Variants in KCNIP4 observed in about 807,000 individuals in gnomAD.
The protein encoded by KCNIP4 is Kv channel-interacting protein 4.
A neutral mutation model predicts 34.0 loss-of-function variants in KCNIP4; 12 were observed. That is an observed-to-expected ratio of 0.35 (90% CI 0.23 to 0.57). The LOEUF is 0.57. Ranked by LOEUF, KCNIP4 falls within the 20% of genes least tolerant of loss-of-function variation. The probability of loss-of-function intolerance (pLI) is 0.83; values close to 1 mark genes in which losing one functional copy is unlikely to be tolerated. For missense variants in KCNIP4, 238 were observed against 311.7 expected (o/e 0.76, Z 1.78); for synonymous variants, 124 against 102.2 (o/e 1.21, Z -1.29).
At chr4:21,158,802 A>G (rs563327620) in intron 1 of KCNIP4, among the ~76,000 whole-genome samples, 136 of 152,280 alleles carry the variant, frequency 8.9e-4, no homozygotes, top group Non-Finnish European at 1.6e-3. Context: ...AACAAAAAAA[A>G]GAAATACAGT....
intron 1 of KCNIP4, among the ~76,000 whole-genome samples, chr4:20,884,073 T>C (rs1725014151): frequency 6.6e-6 from 1 of 152,196 alleles, no homozygotes; most frequent in Non-Finnish European, 1.5e-5. Flanking sequence ...TTATGTGGTA[T>C]GAAATGTCTC....
At chr4:21,386,254 T>C (rs1177547799) in intron 1 of KCNIP4, among the ~76,000 whole-genome samples, 1 of 152,154 alleles carries the variant, frequency 6.6e-6, no homozygotes, top group Non-Finnish European at 1.5e-5. Flanking sequence ...GAGACAATCA[T>C]TTTCTTTACT....
chr4:21,384,010 G>A (rs1037023745), intron 1 of KCNIP4, among the ~76,000 whole-genome samples: 1 of 151,984 alleles, frequency 6.6e-6, no homozygotes, highest in Non-Finnish European at 1.5e-5. Flanking sequence ...AGCCACATGG[G>A]CTTCTTGCAG....
At chr4:20,807,544 A>C (rs1715238867) in intron 3 of KCNIP4, among the ~76,000 whole-genome samples, 1 of 152,194 alleles carries the variant, frequency 6.6e-6, no homozygotes, top group South Asian at 2.1e-4. Flanking sequence ...CAAAGTCTAA[A>C]ATACTTAGTA....
intron 1 of KCNIP4, among the ~76,000 whole-genome samples, chr4:21,174,758 A>C (rs1414766369): frequency 1.3e-5 from 2 of 152,084 alleles, no homozygotes; most frequent in African/African-American, 4.8e-5. Flanking sequence ...TACAAAAATT[A>C]GCCAGGCCTG....
At chr4:21,263,974 T>A (rs1761634293) in intron 1 of KCNIP4, among the ~76,000 whole-genome samples, 1 of 151,764 alleles carries the variant, frequency 6.6e-6, no homozygotes, top group Non-Finnish European at 1.5e-5. Flanking sequence ...TATACGTGTG[T>A]GTGTGTGTGT....
At chr4:21,649,481 C>T (rs1444415691) in intron 1 of KCNIP4, among the ~76,000 whole-genome samples, 1 of 152,000 alleles carries the variant, frequency 6.6e-6, no homozygotes, top group Non-Finnish European at 1.5e-5. Flanking sequence ...AAATAAGTAC[C>T]TCTCTTGGGT....
intron 1 of KCNIP4, among the ~76,000 whole-genome samples, chr4:21,621,040 T>C (rs1386303781): frequency 6.6e-6 from 1 of 152,186 alleles, no homozygotes; most frequent in African/African-American, 2.4e-5. Flanking sequence ...CAGAAACTCT[T>C]ATTAAAACTC....
At chr4:21,098,543 G>A (rs1448976908) in intron 1 of KCNIP4, among the ~76,000 whole-genome samples, 1 of 151,996 alleles carries the variant, frequency 6.6e-6, no homozygotes, top group African/African-American at 2.4e-5. Context: ...TTTCCCATAG[G>A]TGCAACAACA....
intron 2 of KCNIP4, among the ~76,000 whole-genome samples, chr4:20,858,834 A>G: frequency 6.6e-6 from 1 of 152,196 alleles, no homozygotes; most frequent in African/African-American, 2.4e-5. Context: ...TTTTACAAGA[A>G]GTCATGTAGC....
intron 1 of KCNIP4, among the ~76,000 whole-genome samples, chr4:21,685,238 G>T (rs1428404781): frequency 6.6e-6 from 1 of 152,092 alleles, no homozygotes; most frequent in Admixed American, 6.5e-5. Context: ...ACACTACACC[G>T]ATTTATAAGT....
intron 1 of KCNIP4, among the ~76,000 whole-genome samples, chr4:20,914,815 C>A (rs562267384): frequency 6.6e-6 from 1 of 152,242 alleles, no homozygotes; most frequent in Non-Finnish European, 1.5e-5. Context: ...GATCCGAACC[C>A]TAATTAGTTG....
At chr4:21,695,286 A>G (rs1712185143) in intron 1 of KCNIP4, among the ~76,000 whole-genome samples, 1 of 152,112 alleles carries the variant, frequency 6.6e-6, no homozygotes, top group South Asian at 2.1e-4. Context: ...ATATCACAAA[A>G]TTTAGTATTA....
chr4:20,769,828 C>G (rs1755718964), intron 3 of KCNIP4, among the ~76,000 whole-genome samples: 1 of 152,202 alleles, frequency 6.6e-6, no homozygotes, highest in African/African-American at 2.4e-5. Context: ...GGGCTTCTCT[C>G]TCAGCTTCAT....
chr4:21,788,193 A>C (rs1720034282), intron 1 of KCNIP4, among the ~76,000 whole-genome samples: 1 of 152,168 alleles, frequency 6.6e-6, no homozygotes. Flanking sequence ...CCACAGAGCA[A>C]TTTCATATAA....
At chr4:21,504,479 G>GAAAA (rs879472469) in intron 1 of KCNIP4, among the ~76,000 whole-genome samples, 5 of 79,330 alleles carry the variant, frequency 6.3e-5, no homozygotes, top group East Asian at 3.6e-4. Context: ...AAAAAAAAAA[G>GAAAA]AAAGAAAGAA....
At chr4:21,792,770 A>G (rs10025080) in intron 1 of KCNIP4, among the ~76,000 whole-genome samples, 16,051 of 152,234 alleles carry the variant, frequency 0.11, 2,886 homozygotes, top group African/African-American at 0.37. Context: ...AACTTTATGG[A>G]GGAGAATCTC....
intron 3 of KCNIP4, among the ~76,000 whole-genome samples, chr4:20,819,280 A>G (rs773673641): frequency 3.3e-5 from 5 of 152,166 alleles, no homozygotes; most frequent in Non-Finnish European, 7.3e-5. Context: ...CTAGCACACA[A>G]ACTATATTAT....
In KCNIP4 at chr4:20,729,748, C is replaced by CTGATATTTTAAAATCACTGATATG. The variant is rs1747449522; in HGVS notation, c.*310_*333dup. On this transcript the variant is annotated 3_prime_UTR_variant, in exon 9 of 9. Coordinates refer to ENST00000382152, the MANE Select transcript of KCNIP4 (RefSeq NM_025221.6). ...ACATACAAATGAGTAGCAAAAAACA[C>CTGATATTTTAAAATCACTGATATG]TGATATTTTAAAATCACTGATATGT... The CTGATATTTTAAAATCACTGATATG allele has an allele frequency of 4.8e-6, 1 of 207,646 alleles. No individual in the cohort carries two copies. The highest frequency in any genetic ancestry group is 5.8e-5 in the Admixed American group (1 of 17,186). 12.9% of individuals were successfully genotyped at this position (207,646 alleles called of 1,614,324 possible).
Sources: gnomAD v4.1 joint callset for allele counts (sites outside exome capture counted in the v4.1 genomes callset) on GRCh38, gnomAD v4.1.1 for gene constraint, MANE v1.5 for transcripts, NCBI Gene and HGNC (gene_info 2026-07-23, HGNC 2026-07-21) for gene names.